LEPR: variants seen among roughly 807,000 people sequenced by gnomAD.
The protein encoded by LEPR is leptin receptor.
Under a neutral mutation model 114.7 loss-of-function variants are expected in LEPR, and 56 were observed. The ratio of observed to expected loss-of-function variants is 0.49; its 90% CI spans 0.39 to 0.61. The LOEUF (loss-of-function observed/expected upper bound fraction) is 0.61, where lower values mean the gene tolerates loss of function less well. LEPR is among the 20% of genes least tolerant of loss of function. The pLI, the probability that LEPR is intolerant of heterozygous loss-of-function variation, is 0.00. For synonymous variants in LEPR, 443 were observed against 461.4 expected (o/e 0.96, Z 0.51); for missense variants, 1,202 against 1,352.9 (o/e 0.89, Z 1.75).
chr1:65,598,826 T>A (rs202069725), intron 8 of LEPR, 22 bp downstream of exon 8: 8 of 1,612,920 alleles, frequency 5.0e-6, no homozygotes, highest in African/African-American at 1.3e-5. Flanking sequence ...AATAGCCACT[T>A]CTACTGGGAG....
At chr1:65,549,546 G>A (rs564228804) in intron 2 of LEPR, among the ~76,000 whole-genome samples, 57 of 151,768 alleles carry the variant, frequency 3.8e-4, no homozygotes, top group African/African-American at 9.7e-4. Context: ...TTCCCTTCTC[G>A]CTTCATTTCA....
chr1:65,427,288 C>G (rs1646396337), intron 2 of LEPR, among the ~76,000 whole-genome samples: 1 of 151,980 alleles, frequency 6.6e-6, no homozygotes, highest in South Asian at 2.1e-4. Context: ...CAGTAAGTGA[C>G]AGAGCCCGGC....
chr1:65,503,290 CTT>C (rs1648554677), intron 2 of LEPR, among the ~76,000 whole-genome samples: 1 of 152,154 alleles, frequency 6.6e-6, no homozygotes, highest in East Asian at 1.9e-4. Context: ...CAGAGTGAAA[CTT>C]AATGTATGAA....
At chr1:65,628,911 T>C (rs1163829460) in intron 19 of LEPR, among the ~76,000 whole-genome samples, 1 of 152,152 alleles carries the variant, frequency 6.6e-6, no homozygotes, top group East Asian at 1.9e-4. Flanking sequence ...AGTCCCCTTT[T>C]CCACCCCTCC....
chr1:65,626,360 T>C (rs1367411408), intron 19 of LEPR: 2 of 1,227,962 alleles, frequency 1.6e-6, no homozygotes, highest in Non-Finnish European at 2.1e-6. Flanking sequence ...AATGTTCTTA[T>C]TTGTAGGACT....
chr1:65,573,148 G>T (rs759392824), intron 5 of LEPR, among the ~76,000 whole-genome samples: 2 of 152,180 alleles, frequency 1.3e-5, no homozygotes, highest in Non-Finnish European at 2.9e-5. Flanking sequence ...GACAACAGTG[G>T]CATATGGCCA....
intron 2 of LEPR, among the ~76,000 whole-genome samples, chr1:65,452,753 G>A (rs1291277375): frequency 2.0e-5 from 3 of 151,044 alleles, no homozygotes; most frequent in South Asian, 2.1e-4. Flanking sequence ...TTTTTGTTGT[G>A]TCTCTGCCCG....
chr1:65,542,673 CT>C (rs1157065120), intron 2 of LEPR, among the ~76,000 whole-genome samples: 1 of 151,842 alleles, frequency 6.6e-6, no homozygotes, highest in African/African-American at 2.4e-5. Flanking sequence ...TCCATGTGTT[CT>C]CATTGTTCAA....
chr1:65,612,621 TTTAGGGTTATG>T (rs1423941320), intron 14 of LEPR, among the ~76,000 whole-genome samples: 3 of 147,620 alleles, frequency 2.0e-5, no homozygotes, highest in Non-Finnish European at 4.4e-5. Context: ...TCATGATTAA[TTTAGGGTTATG>T]TGTCATACCT....
intron 2 of LEPR, among the ~76,000 whole-genome samples, chr1:65,543,717 A>G (rs909073880): frequency 1.3e-5 from 2 of 152,014 alleles, no homozygotes; most frequent in African/African-American, 4.8e-5. Context: ...ACCATTTATT[A>G]AATAGGGAAT....
At chr1:65,625,215 G>A (rs1245968165) in intron 19 of LEPR, among the ~76,000 whole-genome samples, 4 of 152,132 alleles carry the variant, frequency 2.6e-5, no homozygotes, top group Non-Finnish European at 5.9e-5. Flanking sequence ...TGGGAGAACA[G>A]ATTTTTCTTA....
intron 19 of LEPR, chr1:65,626,122 G>A: frequency 6.2e-7 from 1 of 1,611,934 alleles, no homozygotes; most frequent in South Asian, 1.1e-5. Flanking sequence ...CCCTTTTCCA[G>A]AAAATGCCTG....
chr1:65,443,836 T>C (rs902380339), intron 2 of LEPR, among the ~76,000 whole-genome samples: 9 of 152,130 alleles, frequency 5.9e-5, no homozygotes, highest in Admixed American at 3.9e-4. Flanking sequence ...TTTGCATCTG[T>C]AGAGGAAATC....
At chr1:65,603,126 T>C (rs1656559927) in intron 10 of LEPR, among the ~76,000 whole-genome samples, 1 of 152,214 alleles carries the variant, frequency 6.6e-6, no homozygotes, top group African/African-American at 2.4e-5. Flanking sequence ...ATAATAGGAC[T>C]TACAGTGTTT....
At chr1:65,426,980 G>A (rs934286362) in intron 2 of LEPR, among the ~76,000 whole-genome samples, 1 of 147,270 alleles carries the variant, frequency 6.8e-6, no homozygotes, top group African/African-American at 2.5e-5. Context: ...CCTGGCGACA[G>A]AGCAAGACTT....
At chr1:65,602,096 T>A in intron 10 of LEPR, 136 bp downstream of exon 10, 1 of 806,338 alleles carries the variant, frequency 1.2e-6, no homozygotes, top group Non-Finnish European at 2.2e-6. Flanking sequence ...AATCAGGAAA[T>A]TTTTGAGGGA....
chr1:65,461,158 A>T (rs1646940572), intron 2 of LEPR, among the ~76,000 whole-genome samples: 2 of 151,982 alleles, frequency 1.3e-5, no homozygotes, highest in African/African-American at 4.8e-5. Context: ...TATTTTTAGT[A>T]AAGATGGGGT....
At chr1:65,598,331 T>C (rs1360677215) in intron 7 of LEPR, among the ~76,000 whole-genome samples, 1 of 152,018 alleles carries the variant, frequency 6.6e-6, no homozygotes, top group Non-Finnish European at 1.5e-5. Context: ...GTGTGTGTTA[T>C]AGGTGTCAGT....
intron 2 of LEPR, among the ~76,000 whole-genome samples, chr1:65,473,734 A>G (rs1260208384): frequency 1.3e-5 from 2 of 152,228 alleles, no homozygotes; most frequent in Admixed American, 1.3e-4. Context: ...CATAGTACAT[A>G]TAAAGCACTT....
Sources: gnomAD v4.1 joint callset for allele counts (sites outside exome capture counted in the v4.1 genomes callset) on GRCh38, gnomAD v4.1.1 for gene constraint, MANE v1.5 for transcripts, NCBI Gene and HGNC (gene_info 2026-07-23, HGNC 2026-07-21) for gene names.